FAF1: variants seen among roughly 807,000 people sequenced by gnomAD.
The protein encoded by FAF1 is Fas associated factor 1, also known as FAS-associated factor 1.
FAF1 carries 25 observed loss-of-function variants against 92.5 expected under a neutral mutation model. The ratio of observed to expected loss-of-function variants is 0.27; its 90% CI spans 0.20 to 0.38. The LOEUF (loss-of-function observed/expected upper bound fraction) is 0.38, where lower values mean the gene tolerates loss of function less well. Ranked by LOEUF, FAF1 falls within the 10% of genes least tolerant of loss-of-function variation. The pLI, the probability that FAF1 is intolerant of heterozygous loss-of-function variation, is 1.00. For missense variants in FAF1, 636 were observed against 793.3 expected (o/e 0.80, Z 2.38); for synonymous variants, 234 against 273.2 (o/e 0.86, Z 1.42).
At chr1:50,814,994 A>G (rs569200367) in intron 2 of FAF1, among the ~76,000 whole-genome samples, 1 of 152,344 alleles carries the variant, frequency 6.6e-6, no homozygotes, top group South Asian at 2.1e-4. Flanking sequence ...TAAAAAGAGA[A>G]TTATCATATG....
intron 18 of FAF1, 54 bp from the exon 19 acceptor site, chr1:50,441,577 T>G: frequency 6.2e-5 from 63 of 1,012,434 alleles, no homozygotes; most frequent in Non-Finnish European, 8.2e-5. Context: ...CTATATTCTC[T>G]ACATGGCCTT....
intron 1 of FAF1, among the ~76,000 whole-genome samples, chr1:50,900,665 C>T (rs1441481548): frequency 6.6e-6 from 1 of 152,168 alleles, no homozygotes. Context: ...AAGCAACAAG[C>T]TCACAGCACA....
At chr1:50,764,000 C>T (rs559735220) in intron 4 of FAF1, among the ~76,000 whole-genome samples, 1 of 152,056 alleles carries the variant, frequency 6.6e-6, no homozygotes, top group Non-Finnish European at 1.5e-5. Flanking sequence ...ACAGAAGTAA[C>T]ATACTGCAAC....
At chr1:50,482,863 T>C (rs1437825963) in intron 17 of FAF1, among the ~76,000 whole-genome samples, 1 of 152,174 alleles carries the variant, frequency 6.6e-6, no homozygotes, top group Non-Finnish European at 1.5e-5. Flanking sequence ...TTTCTTATTA[T>C]TGAGTTTTGA....
intron 7 of FAF1, among the ~76,000 whole-genome samples, chr1:50,682,719 C>T (rs1332833316): frequency 6.6e-6 from 1 of 152,120 alleles, no homozygotes; most frequent in Non-Finnish European, 1.5e-5. Flanking sequence ...CTATAACTAA[C>T]AGTAAATATG....
intron 2 of FAF1, among the ~76,000 whole-genome samples, chr1:50,814,364 A>G (rs1471167474): frequency 6.6e-6 from 1 of 152,174 alleles, no homozygotes; most frequent in East Asian, 1.9e-4. Flanking sequence ...ATTATACCCA[A>G]TAATTAGAAG....
At position 50,449,777 on chromosome 1, in the gene FAF1, C is replaced by T. The variant is rs541043469; in HGVS notation, c.1870-8254G>A. Among the ~76,000 whole-genome samples the T allele has an allele frequency of 1.2e-3, 189 of 151,834 alleles. 4 individuals are homozygous for T. The South Asian group carries it at 0.038, about 31-fold the overall frequency. ...TGCTGGAATTACAGGCATGAGCCAC[C>T]GCGCCTGGCCTAACTAATCTTTTTG... is the stretch of plus-strand genomic sequence containing the variant. On this transcript the variant is annotated intron_variant, in intron 18 of 18. Coordinates refer to ENST00000396153, the MANE Select transcript of FAF1 (RefSeq NM_007051.3).
chr1:50,782,117 T>G (rs1023248575), intron 4 of FAF1, among the ~76,000 whole-genome samples: 1 of 152,208 alleles, frequency 6.6e-6, no homozygotes, highest in Non-Finnish European at 1.5e-5. Context: ...AATACATATG[T>G]TACTGGTTTA....
intron 1 of FAF1, among the ~76,000 whole-genome samples, chr1:50,863,452 GA>G (rs1644452627): frequency 6.6e-6 from 1 of 151,604 alleles, no homozygotes; most frequent in African/African-American, 2.4e-5. Flanking sequence ...CATACCTCAA[GA>G]AACTAGAGAA....
intron 5 of FAF1, among the ~76,000 whole-genome samples, chr1:50,739,775 T>C (rs898096560): frequency 6.6e-6 from 1 of 152,108 alleles, no homozygotes; most frequent in Non-Finnish European, 1.5e-5. Flanking sequence ...TATCTTTTAC[T>C]CCAGATATCT....
rs1326059352 is a variant in FAF1 at position 50,919,217 on chromosome 1, TAAAC to T, written c.45+40546_45+40549del. 2.6e-5 allele frequency among the ~76,000 whole-genome samples: 4 copies of T among 151,852 alleles called. No homozygotes were observed. The South Asian group carries it at 6.2e-4, about 24-fold the overall frequency. ...AAATCAAAACAAATAAATTTCCAGA[TAAAC>T]AAAAGCTGAGAGAATTTCTCACCAA... On this transcript the variant is annotated intron_variant, in intron 1 of 18. Coordinates refer to ENST00000396153, the MANE Select transcript of FAF1 (RefSeq NM_007051.3).
chr1:50,745,251 A>T (rs1353478806), intron 4 of FAF1, among the ~76,000 whole-genome samples: 1 of 152,222 alleles, frequency 6.6e-6, no homozygotes, highest in Admixed American at 6.5e-5. Context: ...CAGTGAGCCG[A>T]GATCGTGCCA....
intron 18 of FAF1, among the ~76,000 whole-genome samples, chr1:50,455,909 C>T (rs2148983840): frequency 6.6e-6 from 1 of 152,046 alleles, no homozygotes; most frequent in South Asian, 2.1e-4. Context: ...CCTGTCTCTA[C>T]TAAAAACACA....
chr1:50,912,523 T>C (rs1241943498), intron 1 of FAF1, among the ~76,000 whole-genome samples: 2 of 152,220 alleles, frequency 1.3e-5, no homozygotes, highest in African/African-American at 4.8e-5. Context: ...GTTAAAAAGA[T>C]GATTGAATTA....
intron 7 of FAF1, among the ~76,000 whole-genome samples, chr1:50,703,461 T>G (rs575921580): frequency 6.6e-6 from 1 of 152,246 alleles, no homozygotes; most frequent in East Asian, 1.9e-4. Context: ...ATCCTTTATC[T>G]AAGTTGTACA....
At chr1:50,577,300 G>A (rs1052348472) in intron 12 of FAF1, among the ~76,000 whole-genome samples, 4 of 152,206 alleles carry the variant, frequency 2.6e-5, no homozygotes, top group Non-Finnish European at 4.4e-5. Context: ...TGAGGCGGGT[G>A]GATCACCTGA....
chr1:50,539,843 A>G (rs757546120), intron 13 of FAF1, 115 bp from the exon 14 acceptor site: 463 of 682,062 alleles, frequency 6.8e-4, no homozygotes, highest in Non-Finnish European at 7.7e-4. Context: ...AGCCTGCCTG[A>G]TATCAATATG....
At chr1:50,710,427 G>C (rs1657871927) in intron 6 of FAF1, among the ~76,000 whole-genome samples, 1 of 152,068 alleles carries the variant, frequency 6.6e-6, no homozygotes, top group South Asian at 2.1e-4. Context: ...TTCACTACTT[G>C]CTAGTTCTTT....
intron 4 of FAF1, among the ~76,000 whole-genome samples, chr1:50,786,301 T>C (rs1661362883): frequency 6.6e-6 from 1 of 152,224 alleles, no homozygotes; most frequent in Non-Finnish European, 1.5e-5. Context: ...TCCTGCTATA[T>C]GCTACAACAT....
Sources: gnomAD v4.1 joint callset for allele counts (sites outside exome capture counted in the v4.1 genomes callset) on GRCh38, gnomAD v4.1.1 for gene constraint, MANE v1.5 for transcripts, NCBI Gene and HGNC (gene_info 2026-07-23, HGNC 2026-07-21) for gene names.